The following EIF4A2 variants were observed in gnomAD, a reference collection of about 807,000 sequenced individuals.
EIF4A2 encodes eukaryotic translation initiation factor 4A2.
In EIF4A2, 9 loss-of-function variants were observed where a neutral mutation model predicts 50.6. The ratio of observed to expected loss-of-function variants is 0.18; its 90% CI spans 0.11 to 0.31. The LOEUF is 0.31. EIF4A2 is among the 10% of genes least tolerant of loss of function. The pLI is 1.00. For missense variants in EIF4A2, 182 were observed against 501.8 expected, an observed-to-expected ratio of 0.36 and a Z score of 6.09; for synonymous variants, 215 against 164.4, an observed-to-expected ratio of 1.31 and a Z score of -2.35.
At chr3:186,785,583 A>G in intron 4 of EIF4A2, 1 of 356,564 alleles carries the variant, frequency 2.8e-6, no homozygotes, top group East Asian at 4.5e-5. Flanking sequence ...TAATTACAGA[A>G]CATAAATTTC....
chr3:186,788,174 C>G (rs1465427753), intron 10 of EIF4A2: 10 of 752,964 alleles, frequency 1.3e-5, no homozygotes, highest in Non-Finnish European at 2.0e-5. Flanking sequence ...GTGATTTTTT[C>G]TATAGTTGGG....
chr3:186,788,397 ACT>A (rs1721897127), intron 10 of EIF4A2: 4 of 1,282,806 alleles, frequency 3.1e-6, no homozygotes, highest in Non-Finnish European at 4.1e-6. Flanking sequence ...GAAACAGCAC[ACT>A]GTTTGAATAA....
In EIF4A2 at chr3:186,784,199, C is replaced by T. The variant is rs568335442; in HGVS notation, c.30-233C>T. On this transcript the variant is annotated intron_variant, in intron 1 of 10. Transcript: ENST00000323963. ...GCGCTCCGAGCTCTCGCGAGACGCTCCGCAGTTGAAACGGGATCGCCATGC... is the reference window on the plus strand; with the variant it reads ...GCGCTCCGAGCTCTCGCGAGACGCTTCGCAGTTGAAACGGGATCGCCATGC... 1.5e-3 allele frequency: 907 copies of T among 598,300 alleles called. 20 individuals are homozygous for T. The highest frequency in any genetic ancestry group is 0.012 in the South Asian group (557 of 47,440). The allele number at this position is 598,300 out of a possible 1,614,324, so 37.1% of individuals were successfully genotyped here. A position where few individuals can be genotyped will look rare whatever the true frequency, so the allele number is the denominator to read the frequency against.
chr3:186,789,009 G>A, intron 10 of EIF4A2, 116 bp from the exon 11 acceptor site: 1 of 1,419,282 alleles, frequency 7.0e-7, no homozygotes, highest in Non-Finnish European at 9.4e-7. Context: ...CCAGTTAGAA[G>A]CACGAACTAT....
In EIF4A2 at chr3:186,786,326, C is replaced by G; in HGVS notation, c.627+53C>G. 13 of 1,557,430 alleles carry G rather than the reference C, an allele frequency of 8.3e-6. No individual in the cohort carries two copies. The South Asian group carries it at 1.3e-4, about 15-fold the overall frequency. On this transcript the variant is annotated intron_variant, in intron 6 of 10. Transcript: ENST00000323963. Reference sequence around the variant, plus strand: ...AGGTAGAGATGGGGTTTATTTAATGCAGGTACTGTTACAATACAACTGATG... The same window carrying G: ...AGGTAGAGATGGGGTTTATTTAATGGAGGTACTGTTACAATACAACTGATG...
At chr3:186,788,059 G>C in intron 10 of EIF4A2, 177 bp downstream of exon 10, 1 of 779,366 alleles carries the variant, frequency 1.3e-6, no homozygotes, top group East Asian at 2.7e-5. Context: ...GGGAAAACTT[G>C]TAAACATTGC....
At chr3:186,786,090 G>C (rs1721685591) in intron 5 of EIF4A2, 39 bp downstream of exon 5, 1 of 1,598,794 alleles carries the variant, frequency 6.3e-7, no homozygotes, top group Non-Finnish European at 8.6e-7. Context: ...TTTTAAAACT[G>C]TTAACATAGT....
intron 10 of EIF4A2, chr3:186,788,849 A>C: frequency 2.8e-6 from 1 of 353,576 alleles, no homozygotes; most frequent in Admixed American, 4.6e-5. Flanking sequence ...TAATTTCACT[A>C]CCCCAAACAC....
chr3:186,786,133 A>G (rs760934778), intron 5 of EIF4A2, 31 bp from the exon 6 acceptor site: 7 of 1,609,272 alleles, frequency 4.3e-6, no homozygotes, highest in Non-Finnish European at 6.0e-6. Flanking sequence ...GAGTAGATCT[A>G]GAAATGACAG....
At position 186,786,630 on chromosome 3, in the gene EIF4A2, T is replaced by A; in HGVS notation, c.756T>A (p.Ile252=). 6.2e-7 allele frequency: 1 copy of A among 1,613,996 alleles called. No homozygotes were observed. Among genetic ancestry groups the A allele is most frequent in the Admixed American group, 1.7e-5 (1 of 60,022 alleles). Residue 252 remains isoleucine (I), a synonymous_variant, in exon 7 of 11, where the codon ATT becomes ATA. Coordinates refer to ENST00000323963, the MANE Select transcript of EIF4A2 (RefSeq NM_001967.4). ...TTGAAGGAATCAAACAGTTTTATAT[T>A]AATGTTGAGAGAGAGGTAACTGTCT... The part of the protein sequence containing the change: ...LTLEGIKQFY[I]NVEREEWKLD...
At position 186,786,494 on chromosome 3, in the gene EIF4A2, T is replaced by C. The variant is rs1253306354; in HGVS notation, c.628-8T>C. The stretch of plus-strand genomic sequence containing the variant: ...AGTTGTGCTACAACATAATTTTCTC[T>C]TTTTAAGGTTGTGTTGCTTTCTGCC... On this transcript the variant is annotated splice_polypyrimidine_tract_variant and splice_region_variant and intron_variant, in intron 6 of 10. Coordinates refer to ENST00000323963, the MANE Select transcript of EIF4A2 (RefSeq NM_001967.4). 6 of 1,610,476 alleles carry C rather than the reference T, an allele frequency of 3.7e-6. No homozygotes were observed. The highest frequency in any genetic ancestry group is 2.2e-5 in the East Asian group (1 of 44,852).
At chr3:186,787,635 G>A (rs1303228692) in intron 9 of EIF4A2, 51 bp downstream of exon 9, 2 of 1,610,562 alleles carry the variant, frequency 1.2e-6, no homozygotes, top group Non-Finnish European at 1.7e-6. Flanking sequence ...GCTTTTTGGG[G>A]GGCAGGTTTT....
Position 186,785,934 on chromosome 3 carries a change from G to A in EIF4A2, c.400G>A (p.Ala134Thr). 6.2e-7 allele frequency: 1 copy of A among 1,612,054 alleles called. No individual in the cohort carries two copies. Among genetic ancestry groups the A allele is most frequent in the Non-Finnish European group, 8.5e-7 (1 of 1,178,242 alleles). ...AGACTATATGGGAGCCACTTGTCAT[G>A]CCTGCATTGGTGGAACAAATGTTCG... ...LGDYMGATCH[A>T]CIGGTNVRNE... Residue 134 changes from alanine (A) to threonine (T), a missense_variant, in exon 5 of 11, where the codon GCC (alanine) becomes ACC (threonine). Ala to Thr is a moderately conservative substitution (Grantham distance 58). This residue lies in a region of EIF4A2 where 113 missense variants were observed against 357.3 expected (regional missense o/e 0.32). Transcript: ENST00000323963.
intron 10 of EIF4A2, chr3:186,788,280 A>G (rs1336871680): frequency 4.7e-6 from 6 of 1,286,696 alleles, no homozygotes; most frequent in Non-Finnish European, 6.1e-6. Flanking sequence ...TTGTTATATG[A>G]TGTAAAAAAA....
In EIF4A2 at chr3:186,783,616, T is replaced by G; in HGVS notation, c.6T>G (p.Ser2=). M[S]GGSADYNREH... is the part of the protein sequence containing the mutation. Reference sequence around the variant, plus strand: ...GCTGAGTGGTTTTTCGGATCATGTCTGGTGGCTCCGCGGATTATAACAGGT... The same window carrying G: ...GCTGAGTGGTTTTTCGGATCATGTCGGGTGGCTCCGCGGATTATAACAGGT... The change falls in exon 1 of 11, where the codon TCT becomes TCG. Residue 2 remains serine (S), a synonymous_variant. Transcript: ENST00000323963. The G allele has an allele frequency of 6.2e-7, 1 of 1,614,144 alleles. No homozygotes were observed. Among genetic ancestry groups the G allele is most frequent in the Non-Finnish European group, 8.5e-7 (1 of 1,180,026 alleles).
intron 10 of EIF4A2, chr3:186,788,884 A>T: frequency 2.1e-6 from 1 of 478,268 alleles, no homozygotes; most frequent in South Asian, 2.9e-5. Flanking sequence ...CTTTATAATA[A>T]TGCTCAAGAT....
At chr3:186,786,993 T>G in intron 7 of EIF4A2, 134 bp from the exon 8 acceptor site, 2 of 1,330,484 alleles carry the variant, frequency 1.5e-6, no homozygotes, top group Non-Finnish European at 1.0e-6. Context: ...TGGTTGGAAC[T>G]CTGGGCTCTA....
intron 10 of EIF4A2, 53 bp downstream of exon 10, chr3:186,787,935 TGTGA>T (rs1378235741): frequency 5.7e-6 from 9 of 1,572,234 alleles, no homozygotes; most frequent in Non-Finnish European, 7.0e-6. Context: ...GTTTTTCTAC[TGTGA>T]TTTGTATGAA....
rs1190969155 is a variant in EIF4A2, at chr3:186,784,949, C to G, written c.209-13C>G. Reference sequence around the variant, plus strand: ...GATGTGGGATCGGTAAATGTGTATCCTACTTTTTTTAGGGTATGATGTGAT... The same window carrying G: ...GATGTGGGATCGGTAAATGTGTATCGTACTTTTTTTAGGGTATGATGTGAT... On this transcript the variant is annotated splice_polypyrimidine_tract_variant and intron_variant, in intron 3 of 10. Transcript: ENST00000323963. 1 of 1,614,040 alleles carries G rather than the reference C, an allele frequency of 6.2e-7. No homozygotes were observed. Among genetic ancestry groups the G allele is most frequent in the Non-Finnish European group, 8.5e-7 (1 of 1,180,000 alleles).
Sources: allele counts gnomAD v4.1 joint callset, GRCh38; gene constraint gnomAD v4.1.1; regional missense constraint gnomAD v4.1.1; transcripts MANE v1.5; gene names NCBI Gene and HGNC (gene_info 2026-07-23, HGNC 2026-07-21).